The following AGO4 variants were observed in gnomAD, a reference collection of about 807,000 sequenced individuals.
The protein encoded by AGO4 is protein argonaute-4.
Under a neutral mutation model 104.7 loss-of-function variants are expected in AGO4, and 33 were observed. The observed-to-expected ratio is 0.32, with a 90% CI of 0.24 to 0.42. The LOEUF is 0.42. AGO4 is among the 10% of genes least tolerant of loss of function. AGO4 has a pLI of 1.00. For missense variants in AGO4, 711 were observed against 1,083.4 expected (o/e 0.66, Z 4.83); for synonymous variants, 331 against 364.7 (o/e 0.91, Z 1.05).
chr1:35,825,254 G>A, intron 3 of AGO4, 59 bp from the exon 4 acceptor site: 1 of 1,557,230 alleles, frequency 6.4e-7, no homozygotes, highest in Non-Finnish European at 8.8e-7. Context: ...ATATTCTTGG[G>A]ATCTTTCCCA....
At chr1:35,835,014 T>TTG (rs1382684433) in intron 12 of AGO4, among the ~76,000 whole-genome samples, 1 of 146,852 alleles carries the variant, frequency 6.8e-6, no homozygotes. Context: ...AACTTTTTTT[T>TTG]TTTTTTTTTT....
chr1:35,847,359 G>A (rs544464912), intron 15 of AGO4, among the ~76,000 whole-genome samples: 5 of 151,850 alleles, frequency 3.3e-5, no homozygotes, highest in African/African-American at 9.7e-5. Context: ...TCAGCCTCCC[G>A]AGTAGCTGGG....
At chr1:35,826,144 G>C (rs1003152089) in intron 6 of AGO4, 84 bp downstream of exon 6, 2 of 1,549,594 alleles carry the variant, frequency 1.3e-6, no homozygotes, top group Non-Finnish European at 1.7e-6. Flanking sequence ...ACAGACCTGG[G>C]CTTCGGTCTC....
Position 35,856,881 on chromosome 1 carries a change from TTA to T in AGO4, c.*3278_*3279del, listed in dbSNP as rs1644829508. 6.6e-6 allele frequency: 1 copy of T among 151,076 alleles called. No individual in the cohort carries two copies. Among genetic ancestry groups the T allele is most frequent in the Non-Finnish European group, 1.5e-5 (1 of 67,902 alleles). 9.4% of individuals were successfully genotyped at this position (151,076 alleles called of 1,614,324 possible). On this transcript the variant is annotated 3_prime_UTR_variant, in exon 18 of 18. Transcript: ENST00000373210. ...GGTGATGACCCAAATGTTGAACCAA[TTA>T]TGTTTTGGTGGTGGTGTTCTTAGCT...
At position 35,848,253 on chromosome 1, in the gene AGO4, T is replaced by C. The variant is rs773361202; in HGVS notation, c.2176-1904T>C. On this transcript the variant is annotated intron_variant, in intron 15 of 17. Coordinates refer to ENST00000373210, the MANE Select transcript of AGO4 (RefSeq NM_017629.4). ...ATTTGCCCCTTTTTATTGTGAGTGG[T>C]ATTTCATAATGTGGATGAGCCACAG... is the stretch of plus-strand genomic sequence containing the variant. 5.6e-4 allele frequency among the ~76,000 whole-genome samples: 85 copies of C among 152,332 alleles called. No individual in the cohort carries two copies. In the Middle Eastern group the frequency reaches 0.014, roughly 24 times the overall value.
chr1:35,816,776 G>A, intron 1 of AGO4, 106 bp from the exon 2 acceptor site: 1 of 1,305,176 alleles, frequency 7.7e-7, no homozygotes, highest in Non-Finnish European at 1.0e-6. Flanking sequence ...TCCACCCTGG[G>A]TGAAAGAGCG....
rs570201005 is a variant in AGO4, at chr1:35,853,672, C to T, written c.*67C>T. 2.1e-6 allele frequency: 3 copies of T among 1,403,140 alleles called. No individual in the cohort carries two copies. The African/African-American group carries it at 4.2e-5, about 20-fold the overall frequency. The allele number at this position is 1,403,140 out of a possible 1,614,324, so 86.9% of individuals were successfully genotyped here. A position where few individuals can be genotyped will look rare whatever the true frequency, so the allele number is the denominator to read the frequency against. On this transcript the variant is annotated 3_prime_UTR_variant, in exon 18 of 18. Coordinates refer to ENST00000373210, the MANE Select transcript of AGO4 (RefSeq NM_017629.4). ...AGCCTCAAAATGTTTCAAATGCCTA[C>T]CGCCTCTAGATCGAGCCACGTTGAC...
Position 35,831,908 on chromosome 1 carries a change from A to G in AGO4, c.1093A>G (p.Arg365Gly). Residue 365 changes from arginine (R) to glycine (G), a missense_variant, in exon 9 of 18, where the codon AGA (arginine) becomes GGA (glycine). This residue lies in a region of AGO4 where 401 missense variants were observed against 665.5 expected (regional missense o/e 0.60). Transcript: ENST00000373210. Reference protein sequence around the residue: ...IKATARSAPDRQEEISRLVKS... With the variant: ...IKATARSAPDGQEEISRLVKS... ...AGCTACAGCAAGATCTGCTCCTGAC[A>G]GACAGGAAGAGATCAGTAGACTGGT... is the stretch of plus-strand genomic sequence containing the variant. 1 of 1,614,130 alleles carries G rather than the reference A, an allele frequency of 6.2e-7. No individual in the cohort carries two copies. The highest frequency in any genetic ancestry group is 8.5e-7 in the Non-Finnish European group (1 of 1,179,970).
At chr1:35,832,257 A>G in intron 10 of AGO4, 72 bp downstream of exon 10, 1 of 1,573,098 alleles carries the variant, frequency 6.4e-7, no homozygotes, top group Admixed American at 1.9e-5. Context: ...GGGTTTCTCT[A>G]CTCTGCCACT....
Position 35,834,006 on chromosome 1 carries a change from C to T in AGO4, c.1396C>T (p.Leu466=). 6.4e-7 allele frequency: 1 copy of T among 1,571,760 alleles called. No individual in the cohort carries two copies. Among genetic ancestry groups the T allele is most frequent in the Non-Finnish European group, 8.6e-7 (1 of 1,158,258 alleles). ...EDLLKSFTDQ[L]RKISKDAGMP... ...TTTTAACAGGAGTTTCACTGACCAG[C>T]TGCGTAAAATCTCTAAGGATGCAGG... Residue 466 remains leucine, a synonymous_variant, in exon 12 of 18, where the codon CTG becomes TTG. Transcript: ENST00000373210.
At chr1:35,846,100 A>G (rs1644566645) in intron 15 of AGO4, among the ~76,000 whole-genome samples, 2 of 152,248 alleles carry the variant, frequency 1.3e-5, no homozygotes. Flanking sequence ...CACCAGTAAT[A>G]CAATCTACCA....
intron 15 of AGO4, among the ~76,000 whole-genome samples, chr1:35,844,321 G>A (rs1443824161): frequency 1.3e-5 from 2 of 152,192 alleles, no homozygotes; most frequent in East Asian, 3.8e-4. Flanking sequence ...TAGGATTACA[G>A]GCGTGAGCCA....
chr1:35,834,849 C>G (rs561401917), intron 12 of AGO4, among the ~76,000 whole-genome samples: 32 of 152,116 alleles, frequency 2.1e-4, no homozygotes, highest in Non-Finnish European at 4.1e-4. Flanking sequence ...GTGCCCACAA[C>G]CACGCCCAGC....
chr1:35,826,267 G>A (rs1242289007), intron 6 of AGO4, among the ~76,000 whole-genome samples: 2 of 152,196 alleles, frequency 1.3e-5, no homozygotes, highest in African/African-American at 2.4e-5. Context: ...GAGTTGTTGT[G>A]AGAATTAAAT....
chr1:35,833,429 C>T (rs2791967), intron 11 of AGO4, among the ~76,000 whole-genome samples: 149,806 of 152,354 alleles, frequency 0.98, 73,701 homozygotes, highest in East Asian at 1. Context: ...AGTAACTTCT[C>T]AAATCTAAAA....
intron 13 of AGO4, among the ~76,000 whole-genome samples, chr1:35,838,968 G>A (rs1187258350): frequency 6.6e-6 from 1 of 151,450 alleles, no homozygotes; most frequent in Non-Finnish European, 1.5e-5. Flanking sequence ...TTGATTAGTT[G>A]ATTTCTTATT....
At position 35,826,001 on chromosome 1, in the gene AGO4, A is replaced by C; in HGVS notation, c.701A>C (p.Asn234Thr). The change falls in exon 6 of 18, where the codon AAT (asparagine) becomes ACT (threonine). Residue 234 changes from asparagine (N) to threonine (T), a missense_variant. Physicochemically the swap from Asn to Thr is moderately conservative, Grantham distance 65. Coordinates refer to ENST00000373210, the MANE Select transcript of AGO4 (RefSeq NM_017629.4). Reference protein sequence around the residue: ...MCEVLDIQNINEQTKPLTDSQ... With the variant: ...MCEVLDIQNITEQTKPLTDSQ... ...GAGGTTTTAGACATTCAGAACATCA[A>C]TGAACAGACCAAACCTCTAACAGAC... is the stretch of plus-strand genomic sequence containing the variant. 1 of 1,614,216 alleles carries C rather than the reference A, an allele frequency of 6.2e-7. No individual in the cohort carries two copies. Among genetic ancestry groups the C allele is most frequent in the Non-Finnish European group, 8.5e-7 (1 of 1,180,032 alleles).
At chr1:35,836,802 G>C (rs1644325473) in intron 13 of AGO4, among the ~76,000 whole-genome samples, 1 of 152,144 alleles carries the variant, frequency 6.6e-6, no homozygotes, top group Non-Finnish European at 1.5e-5. Flanking sequence ...TGTAATTACT[G>C]AGTTACGGAG....
At position 35,808,166 on chromosome 1, in the gene AGO4, C is replaced by G. The variant is rs1265704792; in HGVS notation, c.-251C>G. ...CGCGCGCTGGCTCCCGCTCCCGCTC[C>G]CGTTGGCGGCGGCGGCGGCGGCGGC... On this transcript the variant is annotated 5_prime_UTR_variant, in exon 1 of 18. Transcript: ENST00000373210. This position sits in a 1 kb window ranked among gnomAD's most constrained non-coding sequence, Gnocchi z 5.2. 6.4e-6 allele frequency: 1 copy of G among 157,468 alleles called. No individual in the cohort carries two copies. Among genetic ancestry groups the G allele is most frequent in the Admixed American group, 7.0e-5 (1 of 14,358 alleles). The allele number at this position is 157,468 out of a possible 1,614,324, so 9.8% of individuals were successfully genotyped here. A position where few individuals can be genotyped will look rare whatever the true frequency, so the allele number is the denominator to read the frequency against.
Sources: gnomAD v4.1 joint callset for allele counts (sites outside exome capture counted in the v4.1 genomes callset) on GRCh38, gnomAD v4.1.1 for gene constraint, gnomAD v4.1.1 regional missense constraint, Gnocchi (gnomAD v3.1) non-coding constraint, MANE v1.5 for transcripts, NCBI Gene and HGNC (gene_info 2026-07-23, HGNC 2026-07-21) for gene names.